Variants in HPSE2 observed in about 807,000 individuals in gnomAD.
The protein encoded by HPSE2 is inactive heparanase-2.
Under a neutral mutation model 60.5 loss-of-function variants are expected in HPSE2, and 38 were observed. The ratio of observed to expected loss-of-function variants is 0.63; its 90% confidence interval spans 0.48 to 0.82. HPSE2 has a LOEUF of 0.82. Among genes scored for constraint, HPSE2 ranks in the 40% least tolerant of loss-of-function variants. The probability of loss-of-function intolerance (pLI) is 0.00; values close to 1 mark genes in which losing one functional copy is unlikely to be tolerated. For missense variants in HPSE2, 713 were observed against 740.4 expected (o/e 0.96, Z 0.43); for synonymous variants, 295 against 293.2 (o/e 1.01, Z -0.06).
the HPSE2 span, among the ~76,000 whole-genome samples, chr10:99,296,804 T>C: frequency 0.88 from 133,666 of 152,208 alleles, 58,916 homozygotes; most frequent in African/African-American, 0.94. Context: ...TGACAGTCAG[T>C]AGGGCAGTAG....
chr10:98,830,758 T>C (rs1033892807), intron 3 of HPSE2, among the ~76,000 whole-genome samples: 1 of 152,188 alleles, frequency 6.6e-6, no homozygotes, highest in Non-Finnish European at 1.5e-5. Flanking sequence ...TAGCATCCTT[T>C]GGTCAAAAAC....
chr10:98,661,666 A>G (rs1344587360), intron 6 of HPSE2, among the ~76,000 whole-genome samples: 1 of 152,188 alleles, frequency 6.6e-6, no homozygotes, highest in Non-Finnish European at 1.5e-5. Context: ...TTTAATCTGA[A>G]TTAGTATTCC....
At chr10:99,229,507 G>A (rs1268751583) in intron 2 of HPSE2, among the ~76,000 whole-genome samples, 1 of 152,060 alleles carries the variant, frequency 6.6e-6, no homozygotes, top group East Asian at 1.9e-4. Context: ...CTTTCTTATA[G>A]TGTTGTGCAG....
At chr10:98,554,217 C>A (rs1282806912) in intron 9 of HPSE2, among the ~76,000 whole-genome samples, 2 of 152,172 alleles carry the variant, frequency 1.3e-5, no homozygotes, top group African/African-American at 4.8e-5. Flanking sequence ...AGGCTTCCAG[C>A]CAGATCAGAC....
chr10:98,878,250 G>A (rs1952929809), intron 3 of HPSE2, among the ~76,000 whole-genome samples: 1 of 151,954 alleles, frequency 6.6e-6, no homozygotes, highest in African/African-American at 2.4e-5. Context: ...GAATGCTATA[G>A]GAGGATATAA....
At chr10:99,249,165 A>G in the HPSE2 span, among the ~76,000 whole-genome samples, 3 of 152,154 alleles carry the variant, frequency 2.0e-5, no homozygotes, top group African/African-American at 7.2e-5. Flanking sequence ...TGTTCTTCAG[A>G]CCCCAGAATG....
rs1954949660 is a variant in HPSE2 at position 98,940,268 on chromosome 10, C to A, written c.611-196212G>T. 1.4e-5 allele frequency among the ~76,000 whole-genome samples: 2 copies of A among 143,356 alleles called. 1 individual carries two copies. Among genetic ancestry groups the A allele is most frequent in the Admixed American group, 1.4e-4 (2 of 14,404 alleles). The allele number at this position is 143,356 out of a possible 152,430, so 94.0% of individuals were successfully genotyped here. On this transcript the variant is annotated intron_variant, in intron 3 of 11. Transcript: ENST00000370552. ...TGAAGGAAATAGAGACACAAAAAAC[C>A]CTTCAAAAAATTAATGAATCCAGGA... is the stretch of plus-strand genomic sequence containing the variant.
chr10:98,900,730 A>G (rs1004238589), intron 3 of HPSE2, among the ~76,000 whole-genome samples: 1 of 152,200 alleles, frequency 6.6e-6, no homozygotes, highest in African/African-American at 2.4e-5. Flanking sequence ...GTTGGTGAAG[A>G]TGTGGAAAAA....
intron 3 of HPSE2, among the ~76,000 whole-genome samples, chr10:98,744,624 C>T (rs1343532231): frequency 6.6e-6 from 1 of 151,852 alleles, no homozygotes. Context: ...CAAATCTAGT[C>T]CATCATATGT....
intron 9 of HPSE2, among the ~76,000 whole-genome samples, chr10:98,508,564 T>C (rs1424420523): frequency 6.6e-6 from 1 of 152,136 alleles, no homozygotes; most frequent in African/African-American, 2.4e-5. Flanking sequence ...CTTAAGCCAA[T>C]GAGTTAAACA....
chr10:98,753,679 C>T (rs879892954), intron 3 of HPSE2, among the ~76,000 whole-genome samples: 18 of 152,124 alleles, frequency 1.2e-4, no homozygotes, highest in East Asian at 3.9e-4. Context: ...CCTTGGGGGC[C>T]GGAGGACAAA....
chr10:99,173,990 A>G (rs1847426647), intron 2 of HPSE2, among the ~76,000 whole-genome samples: 1 of 151,656 alleles, frequency 6.6e-6, no homozygotes, highest in Admixed American at 6.6e-5. Context: ...AGTTATAACC[A>G]CAATTACAAT....
intron 6 of HPSE2, among the ~76,000 whole-genome samples, chr10:98,659,057 A>G (rs914271753): frequency 2.0e-5 from 3 of 152,178 alleles, no homozygotes. Flanking sequence ...TTACCCTAAA[A>G]GGAAATCCTA....
intron 3 of HPSE2, among the ~76,000 whole-genome samples, chr10:98,920,812 C>A (rs542804520): frequency 1.3e-5 from 2 of 152,302 alleles, no homozygotes; most frequent in African/African-American, 2.4e-5. Flanking sequence ...TCATAGTCTG[C>A]TCTTTGAGCT....
intron 3 of HPSE2, among the ~76,000 whole-genome samples, chr10:99,026,305 C>G (rs1055542141): frequency 1.3e-5 from 2 of 151,824 alleles, no homozygotes; most frequent in African/African-American, 2.4e-5. Context: ...CAGTGGAAAC[C>G]AATAAAAAGC....
Position 99,032,124 on chromosome 10 carries a change from C to T in HPSE2, c.610+112114G>A, listed in dbSNP as rs751870946. 2.1e-4 allele frequency among the ~76,000 whole-genome samples: 32 copies of T among 152,194 alleles called. 2 individuals are homozygous for T. In the South Asian group the frequency reaches 6.6e-3, roughly 32 times the overall value. On this transcript the variant is annotated intron_variant, in intron 3 of 11. Transcript: ENST00000370552. ...ACATCATAAATATGACATTGAAAGGCGTTTTTTACAGATCCTGCTGAATGT... is the reference window on the plus strand; with the variant it reads ...ACATCATAAATATGACATTGAAAGGTGTTTTTTACAGATCCTGCTGAATGT...
chr10:98,629,086 T>C (rs1321485473), intron 7 of HPSE2, among the ~76,000 whole-genome samples: 10 of 152,164 alleles, frequency 6.6e-5, no homozygotes, highest in Non-Finnish European at 1.5e-4. Context: ...TAAGAAATGG[T>C]AGCCTTGTAG....
At chr10:98,575,599 A>T (rs1448496363) in intron 9 of HPSE2, among the ~76,000 whole-genome samples, 2 of 152,222 alleles carry the variant, frequency 1.3e-5, no homozygotes, top group Admixed American at 1.3e-4. Context: ...ACAGCCTTAT[A>T]ATGTAGATGC....
chr10:99,067,977 A>C (rs1185961352), intron 3 of HPSE2, among the ~76,000 whole-genome samples: 5 of 152,188 alleles, frequency 3.3e-5, no homozygotes. Flanking sequence ...TTAAGTTCAA[A>C]GTTCCACAGA....
Sources: gnomAD v4.1 joint callset for allele counts (sites outside exome capture counted in the v4.1 genomes callset) on GRCh38, gnomAD v4.1.1 for gene constraint, MANE v1.5 for transcripts, NCBI Gene and HGNC (gene_info 2026-07-23, HGNC 2026-07-21) for gene names.